SORCS2: variants seen among roughly 807,000 people sequenced by gnomAD.
SORCS2 encodes VPS10 domain-containing receptor SorCS2.
A neutral mutation model predicts 141.6 loss-of-function variants in SORCS2; 100 were observed. The observed-to-expected ratio is 0.71, with a 90% CI of 0.60 to 0.83. The LOEUF is 0.83. Ranked by LOEUF, SORCS2 falls within the 40% of genes least tolerant of loss-of-function variation. The pLI is 0.00. For synonymous variants in SORCS2, 789 were observed against 676.9 expected, an observed-to-expected ratio of 1.17 and a Z score of -2.57; for missense variants, 1,646 against 1,560.2, an observed-to-expected ratio of 1.05 and a Z score of -0.93.
chr4:7,389,715 TGGA>T (rs1723734988), intron 1 of SORCS2, among the ~76,000 whole-genome samples: 1 of 151,550 alleles, frequency 6.6e-6, no homozygotes, highest in Non-Finnish European at 1.5e-5. Flanking sequence ...AGGGAGGCAG[TGGA>T]GAAGTGAGAA....
intron 1 of SORCS2, among the ~76,000 whole-genome samples, chr4:7,205,583 CACTCAGGT>C (rs1385743602): frequency 6.6e-6 from 1 of 152,228 alleles, no homozygotes; most frequent in African/African-American, 2.4e-5. Flanking sequence ...CTGTTGGTGA[CACTCAGGT>C]ACTGATGATA....
At chr4:7,551,658 C>T (rs1452341202) in intron 3 of SORCS2, among the ~76,000 whole-genome samples, 2 of 152,240 alleles carry the variant, frequency 1.3e-5, no homozygotes. Flanking sequence ...TGGGTCTTCT[C>T]TGCTGTCAGG....
chr4:7,498,950 G>A (rs888373138), intron 2 of SORCS2, among the ~76,000 whole-genome samples: 1 of 152,194 alleles, frequency 6.6e-6, no homozygotes, highest in Non-Finnish European at 1.5e-5. Flanking sequence ...TCCGGGGCCA[G>A]TATCTTGAAG....
At chr4:7,463,086 A>G (rs1450103854) in intron 2 of SORCS2, among the ~76,000 whole-genome samples, 2 of 151,830 alleles carry the variant, frequency 1.3e-5, no homozygotes, top group Admixed American at 6.6e-5. Flanking sequence ...TATCATCCTC[A>G]TTGTACAGGT....
rs12641434 is a variant in SORCS2 at position 7,197,720 on chromosome 4, A to T, written c.480+4594A>T. On this transcript the variant is annotated intron_variant, in intron 1 of 26. Transcript: ENST00000507866. Reference sequence around the variant, plus strand: ...CATAGAAAAGAAGTTTGGAAAAAATAGATTAAAAAGTCAGCTCCCGATGGA... The same window carrying T: ...CATAGAAAAGAAGTTTGGAAAAAATTGATTAAAAAGTCAGCTCCCGATGGA... Among the ~76,000 whole-genome samples the T allele has an allele frequency of 7.7e-3, 1,176 of 152,304 alleles. 40 individuals are homozygous for T. The highest frequency in any genetic ancestry group is 0.052 in the East Asian group (267 of 5,180).
intron 2 of SORCS2, among the ~76,000 whole-genome samples, chr4:7,525,940 TCCTCA>T (rs1261694741): frequency 5.5e-5 from 4 of 73,360 alleles, no homozygotes; most frequent in Admixed American, 1.6e-4. Context: ...ACCTGTCCCC[TCCTCA>T]GTCACCTGTC....
chr4:7,324,550 C>T (rs1394557078), intron 1 of SORCS2, among the ~76,000 whole-genome samples: 1 of 152,200 alleles, frequency 6.6e-6, no homozygotes, highest in Non-Finnish European at 1.5e-5. Flanking sequence ...CTGCCGTGCT[C>T]ACTCTCCCGG....
At chr4:7,196,433 C>A (rs879386266) in intron 1 of SORCS2, among the ~76,000 whole-genome samples, 1 of 152,162 alleles carries the variant, frequency 6.6e-6, no homozygotes, top group African/African-American at 2.4e-5. Context: ...TCTGGGAAAT[C>A]GTGGGCTTAT....
At chr4:7,581,265 G>C (rs1577786766) in intron 3 of SORCS2, among the ~76,000 whole-genome samples, 1 of 151,292 alleles carries the variant, frequency 6.6e-6, no homozygotes, top group African/African-American at 2.4e-5. Flanking sequence ...TACATGAAAA[G>C]AGGCTCAGCC....
chr4:7,715,398 C>T lies in SORCS2; in HGVS notation c.2252+87C>T, dbSNP rs910237907. The T allele has an allele frequency of 4.5e-6, 7 of 1,556,516 alleles. No individual in the cohort carries two copies. The African/African-American group carries it at 9.5e-5, about 21-fold the overall frequency. ...GAAACCACGCCTTCCTGGCTGGTGC[C>T]TGCAGCTCCCAACTCCCAAGTGGAG... On this transcript the variant is annotated intron_variant, in intron 17 of 26. Coordinates refer to ENST00000507866, the MANE Select transcript of SORCS2 (RefSeq NM_020777.3).
chr4:7,557,263 A>G (rs73797032), intron 3 of SORCS2, among the ~76,000 whole-genome samples: 10,124 of 152,128 alleles, frequency 0.067, 528 homozygotes, highest in African/African-American at 0.14. Context: ...TTCATTACCC[A>G]GTTGGGTGGA....
intron 2 of SORCS2, among the ~76,000 whole-genome samples, chr4:7,448,165 G>A (rs1227480806): frequency 2.0e-5 from 3 of 152,166 alleles, no homozygotes; most frequent in East Asian, 1.9e-4. Context: ...TGTGTTTCGT[G>A]CCCCCCACTG....
chr4:7,312,722 C>T lies in SORCS2; in HGVS notation c.481-83566C>T, dbSNP rs115988338. On this transcript the variant is annotated intron_variant, in intron 1 of 26. Coordinates refer to ENST00000507866, the MANE Select transcript of SORCS2 (RefSeq NM_020777.3). ...TGTGCCAGGTACGTTGCAGAGTGCC[C>T]GGGGACAAGACGGAGCAAATGTCAC... is the stretch of plus-strand genomic sequence containing the variant. Among the ~76,000 whole-genome samples, 433 of 152,208 alleles carry T rather than the reference C, an allele frequency of 2.8e-3. 1 individual carries two copies. Among genetic ancestry groups the T allele is most frequent in the African/African-American group, 9.9e-3 (411 of 41,552 alleles).
intron 1 of SORCS2, among the ~76,000 whole-genome samples, chr4:7,282,035 G>T (rs1256410983): frequency 6.6e-6 from 1 of 152,138 alleles, no homozygotes; most frequent in Non-Finnish European, 1.5e-5. Context: ...AGGGGAAGGG[G>T]AACCTCACTT....
intron 2 of SORCS2, among the ~76,000 whole-genome samples, chr4:7,497,446 C>T (rs921920424): frequency 5.0e-5 from 7 of 141,364 alleles, no homozygotes; most frequent in Non-Finnish European, 9.7e-5. Flanking sequence ...GTGAGGCTGT[C>T]TCTTACCCCC....
intron 1 of SORCS2, among the ~76,000 whole-genome samples, chr4:7,320,155 A>T (rs1026450388): frequency 6.6e-6 from 1 of 152,262 alleles, no homozygotes; most frequent in Non-Finnish European, 1.5e-5. Flanking sequence ...AAATGAAAAT[A>T]AGATTTTAAA....
intron 5 of SORCS2, among the ~76,000 whole-genome samples, chr4:7,659,010 G>A (rs910078300): frequency 6.6e-6 from 1 of 152,208 alleles, no homozygotes; most frequent in African/African-American, 2.4e-5. Flanking sequence ...CCATGAGAGG[G>A]ACTGGTGTGG....
intron 3 of SORCS2, among the ~76,000 whole-genome samples, chr4:7,619,971 C>G (rs148802443): frequency 2.2e-3 from 328 of 152,290 alleles, no homozygotes; most frequent in African/African-American, 7.6e-3. Flanking sequence ...CTCGCTCACT[C>G]TAGAAACAGC....
At chr4:7,587,740 G>A (rs10937839) in intron 3 of SORCS2, among the ~76,000 whole-genome samples, 145,413 of 152,290 alleles carry the variant, frequency 0.95, 69,698 homozygotes, top group Non-Finnish European at 1. Context: ...CTTTAAATAT[G>A]TAAACTGGCC....
Sources: allele counts gnomAD v4.1 joint callset (sites outside exome capture counted in the v4.1 genomes callset), GRCh38; gene constraint gnomAD v4.1.1; transcripts MANE v1.5; gene names NCBI Gene and HGNC (gene_info 2026-07-23, HGNC 2026-07-21).